ACYP2: variants seen among roughly 807,000 people sequenced by gnomAD.
ACYP2 encodes the protein acylphosphatase 2.
In ACYP2, 12 loss-of-function variants were observed where a neutral mutation model predicts 11.2. The ratio of observed to expected loss-of-function variants is 1.08; its 90% confidence interval spans 0.69 to 1.74. The LOEUF is 1.74. Ranked by LOEUF, ACYP2 falls within the 40% of genes most tolerant of loss-of-function variation. The probability of loss-of-function intolerance (pLI) is 0.00; values close to 1 mark genes in which losing one functional copy is unlikely to be tolerated. For synonymous variants in ACYP2, 43 were observed against 32.2 expected, an observed-to-expected ratio of 1.33 and a Z score of -1.13; for missense variants, 134 against 101.9, an observed-to-expected ratio of 1.31 and a Z score of -1.35.
chr2:54,245,164 T>C (rs760400662), intron 6 of ACYP2, among the ~76,000 whole-genome samples: 4 of 152,222 alleles, frequency 2.6e-5, no homozygotes, highest in Non-Finnish European at 5.9e-5. Context: ...TATTTTCACT[T>C]AACATAATGT....
chr2:54,029,196 G>T (rs1674450781), intron 2 of ACYP2, among the ~76,000 whole-genome samples: 1 of 152,002 alleles, frequency 6.6e-6, no homozygotes, highest in Non-Finnish European at 1.5e-5. Flanking sequence ...CCCTTTGTCA[G>T]TTGATTTTTC....
At chr2:54,005,414 A>G (rs1374956588) in intron 2 of ACYP2, among the ~76,000 whole-genome samples, 5 of 150,598 alleles carry the variant, frequency 3.3e-5, no homozygotes, top group Non-Finnish European at 5.9e-5. Context: ...ATCTTGGCTC[A>G]CTGCCACTTC....
intron 6 of ACYP2, among the ~76,000 whole-genome samples, chr2:54,270,738 A>G (rs1261268765): frequency 1.3e-5 from 2 of 152,216 alleles, no homozygotes; most frequent in African/African-American, 4.8e-5. Context: ...GCTTTATTCA[A>G]TTAGTGTAAT....
chr2:53,986,815 C>T (rs1409275467), intron 2 of ACYP2, among the ~76,000 whole-genome samples: 1 of 149,696 alleles, frequency 6.7e-6, no homozygotes, highest in Non-Finnish European at 1.5e-5. Flanking sequence ...AGTGAGAGAC[C>T]GGTTTCACCA....
At chr2:54,274,964 C>T (rs867904438) in intron 6 of ACYP2, among the ~76,000 whole-genome samples, 5 of 152,172 alleles carry the variant, frequency 3.3e-5, no homozygotes, top group Admixed American at 6.5e-5. Context: ...TTCAACCTCA[C>T]ATAGCTCAAA....
intron 4 of ACYP2, among the ~76,000 whole-genome samples, chr2:54,110,109 T>G (rs1679381653): frequency 6.6e-6 from 1 of 152,188 alleles, no homozygotes; most frequent in African/African-American, 2.4e-5. Flanking sequence ...TCTCTTCAAT[T>G]TTTAATTTTA....
intron 6 of ACYP2, among the ~76,000 whole-genome samples, chr2:54,219,212 A>C (rs1685680018): frequency 6.6e-6 from 1 of 152,218 alleles, no homozygotes; most frequent in Non-Finnish European, 1.5e-5. Flanking sequence ...GAAAATCTTC[A>C]GTGTAAGAGG....
At chr2:54,271,597 T>C (rs1457369052) in intron 6 of ACYP2, among the ~76,000 whole-genome samples, 3 of 152,046 alleles carry the variant, frequency 2.0e-5, no homozygotes, top group East Asian at 1.9e-4. Flanking sequence ...AAATTATCCA[T>C]ACAAACCCTA....
chr2:54,037,400 C>A (rs2104559596), intron 2 of ACYP2, among the ~76,000 whole-genome samples: 1 of 152,126 alleles, frequency 6.6e-6, no homozygotes, highest in East Asian at 1.9e-4. Context: ...CAGGCATAAG[C>A]CACCATACCA....
At chr2:53,990,176 A>C (rs1018976097) in intron 2 of ACYP2, among the ~76,000 whole-genome samples, 1 of 151,140 alleles carries the variant, frequency 6.6e-6, no homozygotes, top group African/African-American at 2.4e-5. Flanking sequence ...GCAAGGTTTC[A>C]CCATGTTGGT....
At chr2:54,201,642 C>CTTTG (rs768069057) in intron 6 of ACYP2, among the ~76,000 whole-genome samples, 107 of 78,300 alleles carry the variant, frequency 1.4e-3, no homozygotes, top group East Asian at 4.8e-3. Context: ...CTTTCTCTTT[C>CTTTG]TTTCTTTCTT....
chr2:54,036,801 G>A (rs1160031145), intron 2 of ACYP2, among the ~76,000 whole-genome samples: 1 of 152,112 alleles, frequency 6.6e-6, no homozygotes, highest in African/African-American at 2.4e-5. Flanking sequence ...ATCTCTCAGG[G>A]CCTACACCCA....
At chr2:54,187,529 T>G (rs995264116) in intron 6 of ACYP2, among the ~76,000 whole-genome samples, 8 of 151,908 alleles carry the variant, frequency 5.3e-5, no homozygotes, top group Admixed American at 6.6e-5. Flanking sequence ...CAGAAAGAGA[T>G]GTAGGGAAGG....
At chr2:54,253,030 T>G (rs1056560940) in intron 6 of ACYP2, among the ~76,000 whole-genome samples, 1 of 151,896 alleles carries the variant, frequency 6.6e-6, no homozygotes, top group African/African-American at 2.4e-5. Flanking sequence ...CTGGCCAACA[T>G]GGTGAAACCC....
At chr2:54,001,495 G>A (rs539727766) in intron 2 of ACYP2, among the ~76,000 whole-genome samples, 1 of 152,182 alleles carries the variant, frequency 6.6e-6, no homozygotes, top group African/African-American at 2.4e-5. Context: ...CTGAGTTCAA[G>A]TGATTCTCCT....
At chr2:54,282,721 G>T (rs1293459377) in intron 6 of ACYP2, among the ~76,000 whole-genome samples, 9 of 152,140 alleles carry the variant, frequency 5.9e-5, no homozygotes, top group African/African-American at 1.9e-4. Flanking sequence ...TTTTTCTGAT[G>T]GAAATTGTTT....
In ACYP2 at chr2:54,102,978, C is replaced by T. The variant is rs1678979495; in HGVS notation, c.278-32475C>T. 2.0e-5 allele frequency among the ~76,000 whole-genome samples: 3 copies of T among 152,182 alleles called. No individual in the cohort carries two copies. The South Asian group carries it at 6.2e-4, about 31-fold the overall frequency. The stretch of plus-strand genomic sequence containing the variant: ...GGTTTCCAAATTGTGTCCATCCCTA[C>T]CTCTCATTGTAGCAGAGGTATAAAA... On this transcript the variant is annotated intron_variant, in intron 4 of 6. Coordinates refer to ENST00000607452, the MANE Select transcript of ACYP2 (RefSeq NM_001320586.2).
At chr2:54,198,760 C>T (rs1684624334) in intron 6 of ACYP2, among the ~76,000 whole-genome samples, 2 of 152,156 alleles carry the variant, frequency 1.3e-5, no homozygotes, top group African/African-American at 4.8e-5. Flanking sequence ...AAACATTTAG[C>T]TCATATCCAG....
intron 6 of ACYP2, among the ~76,000 whole-genome samples, chr2:54,226,150 C>T (rs151006011): frequency 3.3e-5 from 5 of 152,162 alleles, no homozygotes; most frequent in South Asian, 2.1e-4. Context: ...CCAGTGTGGC[C>T]GAAGTTCACA....
Sources: gnomAD v4.1 joint callset for allele counts (sites outside exome capture counted in the v4.1 genomes callset) on GRCh38, gnomAD v4.1.1 for gene constraint, MANE v1.5 for transcripts, NCBI Gene and HGNC (gene_info 2026-07-23, HGNC 2026-07-21) for gene names.